HTRA3: variants seen among roughly 807,000 people sequenced by gnomAD.
HTRA3 encodes the protein HtrA serine peptidase 3.
Under a neutral mutation model 43.2 loss-of-function variants are expected in HTRA3, and 41 were observed. That is an observed-to-expected ratio of 0.95 (90% CI 0.74 to 1.23). The LOEUF (loss-of-function observed/expected upper bound fraction) is 1.23, where lower values mean the gene tolerates loss of function less well. Among genes scored for constraint, HTRA3 ranks in the 50% most tolerant of loss-of-function variants. The probability of loss-of-function intolerance (pLI) is 0.00; values close to 1 mark genes in which losing one functional copy is unlikely to be tolerated. For missense variants in HTRA3, 628 were observed against 647.1 expected (o/e 0.97, Z 0.32); for synonymous variants, 295 against 287.9 (o/e 1.02, Z -0.25).
At chr4:8,281,879 C>T (rs1712760630) in intron 1 of HTRA3, among the ~76,000 whole-genome samples, 1 of 152,222 alleles carries the variant, frequency 6.6e-6, no homozygotes, top group Admixed American at 6.5e-5. Context: ...AAATTGGCAG[C>T]TCTTTTGGCC....
chr4:8,280,737 C>T (rs971869640), intron 1 of HTRA3, among the ~76,000 whole-genome samples: 6 of 152,218 alleles, frequency 3.9e-5, no homozygotes, highest in Admixed American at 6.5e-5. Flanking sequence ...TCGCGGTGGC[C>T]GGCGTCTCCC....
rs553036788 is a variant in HTRA3 at position 8,303,496 on chromosome 4, G to A, written c.1101-688G>A. Among the ~76,000 whole-genome samples, 5 of 152,328 alleles carry A rather than the reference G, an allele frequency of 3.3e-5. No individual in the cohort carries two copies. The South Asian group carries it at 8.3e-4, about 25-fold the overall frequency. On this transcript the variant is annotated intron_variant, in intron 7 of 8. Coordinates refer to ENST00000307358, the MANE Select transcript of HTRA3 (RefSeq NM_053044.5). ...ACTTGAGCTTCGAGGTTTGAAGAAG[G>A]GAGAGGTCACTGCATCGGGAGCCTA...
chr4:8,276,845 G>A (rs372933926), intron 1 of HTRA3, among the ~76,000 whole-genome samples: 13 of 152,248 alleles, frequency 8.5e-5, no homozygotes, highest in South Asian at 6.2e-4. Context: ...CAGGGCTTGC[G>A]GGGCCTGGCT....
Position 8,306,259 on chromosome 4 carries a change from C to A in HTRA3, c.*123C>A. The A allele has an allele frequency of 9.2e-7, 1 of 1,085,388 alleles. No individual in the cohort carries two copies. The highest frequency in any genetic ancestry group is 1.3e-6 in the Non-Finnish European group (1 of 785,422). The allele number at this position is 1,085,388 out of a possible 1,614,324, so 67.2% of individuals were successfully genotyped here. On this transcript the variant is annotated 3_prime_UTR_variant, in exon 9 of 9. Coordinates refer to ENST00000307358, the MANE Select transcript of HTRA3 (RefSeq NM_053044.5). This position sits in a 1 kb window ranked among gnomAD's most constrained non-coding sequence, Gnocchi z 8.9. Reference sequence around the variant, plus strand: ...AGGGCGGCAGCCTCCTCCTGGCTGTCCGGGGCAGAGCGGAGGCTGGGCTTG... The same window carrying A: ...AGGGCGGCAGCCTCCTCCTGGCTGTACGGGGCAGAGCGGAGGCTGGGCTTG...
At chr4:8,274,219 G>A (rs1186027754) in intron 1 of HTRA3, among the ~76,000 whole-genome samples, 1 of 152,218 alleles carries the variant, frequency 6.6e-6, no homozygotes, top group African/African-American at 2.4e-5. Context: ...CCCACCTCGA[G>A]GCCTTTGCAC....
Position 8,292,358 on chromosome 4 carries a change from G to T in HTRA3, c.936+5G>T, listed in dbSNP as rs909252021. ...GGGGGACCACTGGTGAACCTGGTAA[G>T]TGTCCCCTAGAGCCAAAATCTCTCA... On this transcript the variant is annotated splice_donor_5th_base_variant and intron_variant, in intron 5 of 8. Coordinates refer to ENST00000307358, the MANE Select transcript of HTRA3 (RefSeq NM_053044.5). The T allele has an allele frequency of 6.2e-7, 1 of 1,612,746 alleles. No individual in the cohort carries two copies.
intron 3 of HTRA3, among the ~76,000 whole-genome samples, chr4:8,290,240 G>A (rs187096485): frequency 6.6e-6 from 1 of 152,344 alleles, no homozygotes; most frequent in Admixed American, 6.5e-5. Context: ...AATCCTGTGC[G>A]GGGCTCCACG....
chr4:8,276,903 C>G (rs1028174843), intron 1 of HTRA3, among the ~76,000 whole-genome samples: 4 of 152,232 alleles, frequency 2.6e-5, no homozygotes, highest in African/African-American at 9.6e-5. Context: ...TGTTTCCTTG[C>G]CTGTAAAATG....
At chr4:8,280,173 A>T (rs1712687857) in intron 1 of HTRA3, among the ~76,000 whole-genome samples, 1 of 152,092 alleles carries the variant, frequency 6.6e-6, no homozygotes, top group Non-Finnish European at 1.5e-5. Flanking sequence ...GCCACACGGT[A>T]GGAGAGGTAA....
chr4:8,273,915 C>T (rs1423606539), intron 1 of HTRA3, among the ~76,000 whole-genome samples: 3 of 152,064 alleles, frequency 2.0e-5, no homozygotes, highest in African/African-American at 7.2e-5. Flanking sequence ...CACTCCCCTC[C>T]ACCCCTCATT....
intron 1 of HTRA3, among the ~76,000 whole-genome samples, chr4:8,281,758 G>A (rs982255556): frequency 6.6e-6 from 1 of 152,226 alleles, no homozygotes; most frequent in Non-Finnish European, 1.5e-5. Context: ...TACTGCTGAC[G>A]GCAGCAGGAA....
rs1195034300 is a variant in HTRA3, at chr4:8,295,567, C to T, written c.1051+1366C>T. 2.4e-5 allele frequency: 14 copies of T among 593,154 alleles called. No homozygotes were observed. The highest frequency in any genetic ancestry group is 4.3e-5 in the Admixed American group (1 of 23,214). 36.7% of individuals were successfully genotyped at this position (593,154 alleles called of 1,614,324 possible). A position where few individuals can be genotyped will look rare whatever the true frequency, so the allele number is the denominator to read the frequency against. On this transcript the variant is annotated intron_variant, in intron 6 of 8. Coordinates refer to ENST00000307358, the MANE Select transcript of HTRA3 (RefSeq NM_053044.5). This position sits in a 1 kb window ranked among gnomAD's most constrained non-coding sequence, Gnocchi z 6.9. ...GCCTTTCCTGGGGGCCTCTCCCTCCCCACCTTCTCTTCAGCCCTAGTGAGC... is the reference window on the plus strand; with the variant it reads ...GCCTTTCCTGGGGGCCTCTCCCTCCTCACCTTCTCTTCAGCCCTAGTGAGC...
intron 7 of HTRA3, 21 bp downstream of exon 7, chr4:8,302,532 A>G (rs964992921): frequency 6.2e-7 from 1 of 1,611,798 alleles, no homozygotes; most frequent in African/African-American, 1.3e-5. Flanking sequence ...GAAGAGTGCC[A>G]TCCCCTGCTA....
intron 2 of HTRA3, among the ~76,000 whole-genome samples, chr4:8,285,674 C>T (rs1168793418): frequency 1.3e-5 from 2 of 152,252 alleles, no homozygotes; most frequent in African/African-American, 2.4e-5. Context: ...GGATGTGGGG[C>T]TGTGGTTTCT....
At chr4:8,276,392 G>A (rs976640839) in intron 1 of HTRA3, among the ~76,000 whole-genome samples, 1 of 152,264 alleles carries the variant, frequency 6.6e-6, no homozygotes, top group Non-Finnish European at 1.5e-5. Flanking sequence ...AGGATGGCAG[G>A]TGGACGCGTC....
intron 2 of HTRA3, among the ~76,000 whole-genome samples, chr4:8,284,144 C>G (rs1285627679): frequency 6.6e-6 from 1 of 152,206 alleles, no homozygotes; most frequent in Non-Finnish European, 1.5e-5. Context: ...CCATGCAGGA[C>G]CCACAGCCCT....
At chr4:8,294,360 C>A (rs941567944) in intron 6 of HTRA3, among the ~76,000 whole-genome samples, 159 bp downstream of exon 6, 1 of 151,812 alleles carries the variant, frequency 6.6e-6, no homozygotes, top group African/African-American at 2.4e-5. Flanking sequence ...AGCTGTGAGA[C>A]CCCCAGGACA....
At chr4:8,303,190 G>A (rs1321124228) in intron 7 of HTRA3, among the ~76,000 whole-genome samples, 3 of 152,226 alleles carry the variant, frequency 2.0e-5, no homozygotes, top group African/African-American at 7.2e-5. Context: ...TCAAGTGGCA[G>A]AAGGTGCCTC....
rs550557092 is a variant in HTRA3 at position 8,283,435 on chromosome 4, G to T, written c.485+899G>T. Reference sequence around the variant, plus strand: ...TCACAGAGACCCTCTGAGCTGGTTTGGGGGAGCCCTGCCTTCAGAACCTCC... The same window carrying T: ...TCACAGAGACCCTCTGAGCTGGTTTTGGGGAGCCCTGCCTTCAGAACCTCC... On this transcript the variant is annotated intron_variant, in intron 2 of 8. Transcript: ENST00000307358. Among the ~76,000 whole-genome samples, 3 of 152,310 alleles carry T rather than the reference G, an allele frequency of 2.0e-5. No homozygotes were observed. In the South Asian group the frequency reaches 6.2e-4, roughly 32 times the overall value.
Sources: gnomAD v4.1 joint callset for allele counts (sites outside exome capture counted in the v4.1 genomes callset) on GRCh38, gnomAD v4.1.1 for gene constraint, Gnocchi (gnomAD v3.1) non-coding constraint, MANE v1.5 for transcripts, NCBI Gene and HGNC (gene_info 2026-07-23, HGNC 2026-07-21) for gene names.